The following GLMN variants were observed in gnomAD, a reference collection of about 807,000 sequenced individuals.
The protein encoded by GLMN is glomulin, FKBP associated protein.
In GLMN, 75 loss-of-function variants were observed where a neutral mutation model predicts 87.8. The observed-to-expected ratio is 0.85, with a 90% CI of 0.71 to 1.04. The LOEUF is 1.04. Ranked by LOEUF, GLMN falls within the 50% of genes least tolerant of loss-of-function variation. The probability of loss-of-function intolerance (pLI) is 0.00; values close to 1 mark genes in which losing one functional copy is unlikely to be tolerated. For missense variants in GLMN, 588 were observed against 658.8 expected (o/e 0.89, Z 1.18); for synonymous variants, 206 against 221.6 (o/e 0.93, Z 0.63).
At chr1:92,335,220 A>G in the GLMN span, among the ~76,000 whole-genome samples, 1 of 152,108 alleles carries the variant, frequency 6.6e-6, no homozygotes, top group East Asian at 1.9e-4. Context: ...TGACATTTGG[A>G]TTATGCCACT....
the GLMN span, among the ~76,000 whole-genome samples, chr1:92,328,357 T>A: frequency 6.6e-6 from 1 of 152,232 alleles, no homozygotes; most frequent in Non-Finnish European, 1.5e-5. Flanking sequence ...TTTTTTAAAT[T>A]CTTTTTTCTT....
At chr1:92,333,087 T>C in the GLMN span, among the ~76,000 whole-genome samples, 1 of 152,206 alleles carries the variant, frequency 6.6e-6, no homozygotes, top group African/African-American at 2.4e-5. Flanking sequence ...CCTACATTTG[T>C]ACAGCACTTA....
chr1:92,351,107 G>GACCAT, the GLMN span, among the ~76,000 whole-genome samples: 1 of 151,916 alleles, frequency 6.6e-6, no homozygotes, highest in African/African-American at 2.4e-5. Flanking sequence ...AGAAGATTAA[G>GACCAT]ACCATCCTGG....
chr1:92,302,500 T>C (rs1027609974), upstream of GLMN, among the ~76,000 whole-genome samples: 9 of 151,604 alleles, frequency 5.9e-5, no homozygotes, highest in Admixed American at 5.3e-4. Flanking sequence ...TTTTTGTCAA[T>C]GTAATTTCAT....
chr1:92,302,732 G>C (rs995648794), upstream of GLMN, among the ~76,000 whole-genome samples: 3 of 149,840 alleles, frequency 2.0e-5, no homozygotes, highest in African/African-American at 7.3e-5. Flanking sequence ...CTCCCGAGTA[G>C]CTGGGACTGG....
the GLMN span, among the ~76,000 whole-genome samples, chr1:92,326,174 G>A: frequency 1.3e-5 from 2 of 151,810 alleles, no homozygotes; most frequent in East Asian, 3.9e-4. Flanking sequence ...TTGATTCCAT[G>A]TCCTCCCTGG....
the GLMN span, among the ~76,000 whole-genome samples, chr1:92,342,845 G>A: frequency 6.6e-6 from 1 of 152,072 alleles, no homozygotes; most frequent in African/African-American, 2.4e-5. Context: ...ACTGAGATAG[G>A]AGTGTCACAC....
intron 3 of GLMN, among the ~76,000 whole-genome samples, chr1:92,293,250 T>C (rs1307770811): frequency 6.6e-6 from 1 of 152,084 alleles, no homozygotes; most frequent in Non-Finnish European, 1.5e-5. Context: ...AAAACTACAA[T>C]GGGATATCAT....
At chr1:92,288,040 T>G (rs1557562071) in intron 6 of GLMN, among the ~76,000 whole-genome samples, 1 of 150,444 alleles carries the variant, frequency 6.6e-6, no homozygotes, top group Admixed American at 6.6e-5. Context: ...TTTACTGTTT[T>G]TTTTTTTTAA....
the GLMN span, among the ~76,000 whole-genome samples, chr1:92,312,968 C>T: frequency 1.3e-5 from 2 of 152,258 alleles, no homozygotes; most frequent in African/African-American, 4.8e-5. Flanking sequence ...CAGGCTCAAG[C>T]GATTCTCATG....
At chr1:92,250,602 TCA>T (rs935941204) in intron 16 of GLMN, among the ~76,000 whole-genome samples, 5 of 152,226 alleles carry the variant, frequency 3.3e-5, no homozygotes, top group Admixed American at 1.3e-4. Context: ...ACATCACAAC[TCA>T]CACGTTTATT....
chr1:92,262,801 T>A, intron 16 of GLMN, 62 bp downstream of exon 16: 1 of 756,856 alleles, frequency 1.3e-6, no homozygotes, highest in South Asian at 1.4e-5. Context: ...GTACTGAATA[T>A]CTGAAACATT....
At chr1:92,336,490 A>G in the GLMN span, 1 of 1,099,794 alleles carries the variant, frequency 9.1e-7, no homozygotes, top group African/African-American at 1.6e-5. Context: ...GCCTTGCAGA[A>G]TCCAAAGGCA....
upstream of GLMN, chr1:92,299,009 T>C (rs939131776): frequency 7.3e-6 from 6 of 817,892 alleles, no homozygotes; most frequent in Non-Finnish European, 1.1e-5. Flanking sequence ...GCGCTACGCG[T>C]AGGGAGGCGG....
Position 92,266,692 on chromosome 1 carries a change from T to G in GLMN, c.1140+8A>C. 2 of 1,565,486 alleles carry G rather than the reference T, an allele frequency of 1.3e-6. No homozygotes were observed. Among genetic ancestry groups the G allele is most frequent in the Non-Finnish European group, 1.8e-6 (2 of 1,137,214 alleles). Reference sequence around the variant, plus strand: ...TCATTATTCTTTAGTCACCAAATATTTACATACCAGTGTCTCAATGGGGCA... The same window carrying G: ...TCATTATTCTTTAGTCACCAAATATGTACATACCAGTGTCTCAATGGGGCA... On this transcript the variant is annotated splice_region_variant and intron_variant, in intron 12 of 18. Coordinates refer to ENST00000370360, the MANE Select transcript of GLMN (RefSeq NM_053274.3).
chr1:92,328,263 G>C, the GLMN span, among the ~76,000 whole-genome samples: 2 of 152,156 alleles, frequency 1.3e-5, no homozygotes, highest in African/African-American at 4.8e-5. Flanking sequence ...CAAACTTTTA[G>C]ATTTCTCTTC....
At chr1:92,250,144 C>T (rs1205264226) in intron 16 of GLMN, among the ~76,000 whole-genome samples, 2 of 151,952 alleles carry the variant, frequency 1.3e-5, no homozygotes, top group African/African-American at 2.4e-5. Context: ...GGGAAAACAC[C>T]TAGCTTTGAC....
At chr1:92,311,207 T>A in the GLMN span, among the ~76,000 whole-genome samples, 1 of 152,180 alleles carries the variant, frequency 6.6e-6, no homozygotes, top group African/African-American at 2.4e-5. Flanking sequence ...TTCTCAACAC[T>A]AAGTCTCAGT....
intron 16 of GLMN, among the ~76,000 whole-genome samples, chr1:92,252,797 T>C (rs1156995446): frequency 6.6e-6 from 1 of 152,202 alleles, no homozygotes; most frequent in African/African-American, 2.4e-5. Context: ...AGTTTTAAAA[T>C]AGTTATAATT....
Sources: allele counts gnomAD v4.1 joint callset (sites outside exome capture counted in the v4.1 genomes callset), GRCh38; gene constraint gnomAD v4.1.1; transcripts MANE v1.5; gene names NCBI Gene and HGNC (gene_info 2026-07-23, HGNC 2026-07-21).